PTGER3: variants seen among roughly 807,000 people sequenced by gnomAD.
PTGER3 encodes the protein prostaglandin E receptor 3.
PTGER3 carries 22 observed loss-of-function variants against 34.7 expected under a neutral mutation model. The observed-to-expected ratio is 0.63, with a 90% CI of 0.45 to 0.91. The LOEUF is 0.91. Among genes scored for constraint, PTGER3 ranks in the 40% least tolerant of loss-of-function variants. The probability of loss-of-function intolerance (pLI) is 0.00; values close to 1 mark genes in which losing one functional copy is unlikely to be tolerated. For synonymous variants in PTGER3, 241 were observed against 230.1 expected (o/e 1.05, Z -0.43); for missense variants, 468 against 519.4 (o/e 0.90, Z 0.96).
intron 1 of PTGER3, among the ~76,000 whole-genome samples, chr1:71,030,773 A>G (rs965486715): frequency 2.6e-5 from 4 of 152,204 alleles, no homozygotes; most frequent in Non-Finnish European, 2.9e-5. Context: ...CAGTTGATGA[A>G]TCAATAGCTA....
intron 4 of PTGER3, among the ~76,000 whole-genome samples, chr1:70,915,377 A>G (rs923766524): frequency 6.6e-6 from 1 of 151,928 alleles, no homozygotes; most frequent in Admixed American, 6.6e-5. Context: ...GAAAGGAAAG[A>G]TACTGGCTAA....
intron 2 of PTGER3, among the ~76,000 whole-genome samples, chr1:70,990,400 TAA>T (rs1317243079): frequency 3.0e-4 from 39 of 129,032 alleles, no homozygotes; most frequent in African/African-American, 9.7e-4. Context: ...TATATATATA[TAA>T]AATACATATT....
chr1:70,921,857 G>A (rs1426409210), intron 4 of PTGER3, among the ~76,000 whole-genome samples: 2 of 151,984 alleles, frequency 1.3e-5, no homozygotes, highest in African/African-American at 4.8e-5. Context: ...TTATTTGTGT[G>A]ATATTTATAT....
chr1:71,007,791 T>C (rs897488945), intron 2 of PTGER3: 60 of 985,088 alleles, frequency 6.1e-5, no homozygotes, highest in Non-Finnish European at 7.1e-5. Flanking sequence ...GACGTTTGGC[T>C]TACTTTAATT....
At chr1:70,987,356 AG>A (rs2100753949) in intron 2 of PTGER3, among the ~76,000 whole-genome samples, 1 of 152,326 alleles carries the variant, frequency 6.6e-6, no homozygotes, top group East Asian at 1.9e-4. Context: ...GAGTCAATCA[AG>A]GGTCTCATTG....
At chr1:70,893,922 T>G (rs1646670794) in intron 4 of PTGER3, among the ~76,000 whole-genome samples, 2 of 151,978 alleles carry the variant, frequency 1.3e-5, no homozygotes, top group Admixed American at 6.6e-5. Context: ...AAATAAAAAA[T>G]TTAATCTACA....
intron 4 of PTGER3, among the ~76,000 whole-genome samples, chr1:70,874,002 G>T (rs969127836): frequency 1.3e-5 from 2 of 152,016 alleles, no homozygotes; most frequent in Non-Finnish European, 2.9e-5. Context: ...CTAGCTTCCA[G>T]ATTTTTATGT....
At chr1:70,909,749 T>G (rs749202362) in intron 4 of PTGER3, among the ~76,000 whole-genome samples, 8 of 152,070 alleles carry the variant, frequency 5.3e-5, no homozygotes, top group Non-Finnish European at 1.0e-4. Flanking sequence ...TTCTGCAGAG[T>G]CTTTATAATA....
At chr1:70,953,907 T>G in intron 2 of PTGER3, 1 of 501,912 alleles carries the variant, frequency 2.0e-6, no homozygotes. Flanking sequence ...GGGGTAATGG[T>G]AAATAGACTA....
chr1:70,984,302 G>T (rs2300162), intron 2 of PTGER3, among the ~76,000 whole-genome samples: 27,516 of 151,242 alleles, frequency 0.18, 3,012 homozygotes, highest in East Asian at 0.44. Context: ...CACAAGAATC[G>T]CTTGAACCAG....
chr1:70,946,096 A>G (rs1045705245), intron 4 of PTGER3, among the ~76,000 whole-genome samples: 1 of 152,078 alleles, frequency 6.6e-6, no homozygotes, highest in African/African-American at 2.4e-5. Context: ...TTGTGTTGAT[A>G]TCTGCTTTCC....
At chr1:70,863,871 G>T (rs1227143489) in intron 4 of PTGER3, among the ~76,000 whole-genome samples, 1 of 152,064 alleles carries the variant, frequency 6.6e-6, no homozygotes, top group East Asian at 1.9e-4. Context: ...GATAAAATTG[G>T]ATAATCACTG....
chr1:70,946,491 T>C (rs1033706790), intron 4 of PTGER3, among the ~76,000 whole-genome samples: 5 of 152,166 alleles, frequency 3.3e-5, no homozygotes, highest in African/African-American at 1.2e-4. Context: ...TGGCAAGTAA[T>C]AAAACAATCT....
At chr1:71,013,611 A>G (rs138139836) in intron 1 of PTGER3, among the ~76,000 whole-genome samples, 129 of 151,928 alleles carry the variant, frequency 8.5e-4, no homozygotes, top group African/African-American at 2.8e-3. Context: ...CTGAGGCAGG[A>G]GAATCCCTTG....
intron 2 of PTGER3, chr1:71,011,649 C>T (rs1263342472): frequency 1.0e-6 from 1 of 981,018 alleles, no homozygotes; most frequent in African/African-American, 1.8e-5. Context: ...TAAACTTAAA[C>T]TTTGTTAGGT....
At chr1:70,994,819 TA>T (rs770805126) in intron 2 of PTGER3, among the ~76,000 whole-genome samples, 6 of 152,164 alleles carry the variant, frequency 3.9e-5, no homozygotes, top group African/African-American at 7.2e-5. Context: ...TTATTTGTAC[TA>T]TTTTTTTTGG....
At chr1:70,852,665 T>G in exon 5 of PTGER3, 2 of 758,202 alleles carry the variant, frequency 2.6e-6, no homozygotes, top group Non-Finnish European at 4.6e-6. Flanking sequence ...TACAAAAACA[T>G]GTATGGAAAC....
At chr1:70,866,585 T>C (rs1018238552) in intron 4 of PTGER3, among the ~76,000 whole-genome samples, 2 of 152,210 alleles carry the variant, frequency 1.3e-5, no homozygotes, top group African/African-American at 4.8e-5. Context: ...AGCTTTTCGA[T>C]TGAAAGACCA....
At chr1:71,028,183 T>C (rs899299295) in intron 1 of PTGER3, among the ~76,000 whole-genome samples, 1 of 151,946 alleles carries the variant, frequency 6.6e-6, no homozygotes, top group Non-Finnish European at 1.5e-5. Flanking sequence ...TGTGCCGGGG[T>C]TAGGGATGAT....
Sources: allele counts gnomAD v4.1 joint callset (sites outside exome capture counted in the v4.1 genomes callset), GRCh38; gene constraint gnomAD v4.1.1; transcripts MANE v1.5; gene names NCBI Gene and HGNC (gene_info 2026-07-23, HGNC 2026-07-21).